LRRFIP2: variants seen among roughly 807,000 people sequenced by gnomAD.
The protein encoded by LRRFIP2 is LRR binding FLII interacting protein 2.
LRRFIP2 carries 109 observed loss-of-function variants against 125.9 expected under a neutral mutation model. That is an observed-to-expected ratio of 0.87 (90% CI 0.74 to 1.01). The LOEUF (loss-of-function observed/expected upper bound fraction) is 1.01, where lower values mean the gene tolerates loss of function less well. Ranked by LOEUF, LRRFIP2 falls within the 50% of genes least tolerant of loss-of-function variation. The pLI, the probability that LRRFIP2 is intolerant of heterozygous loss-of-function variation, is 0.00. For missense variants in LRRFIP2, 850 were observed against 862.3 expected (o/e 0.99, Z 0.18); for synonymous variants, 291 against 293.1 (o/e 0.99, Z 0.07).
intron 17 of LRRFIP2, among the ~76,000 whole-genome samples, chr3:37,092,757 T>C (rs2093518102): frequency 6.6e-6 from 1 of 152,230 alleles, no homozygotes; most frequent in African/African-American, 2.4e-5. Flanking sequence ...TCTCCTTCTC[T>C]GCCGCTGTTG....
intron 24 of LRRFIP2, among the ~76,000 whole-genome samples, chr3:37,062,676 A>G (rs1176375306): frequency 1.3e-5 from 2 of 152,228 alleles, no homozygotes; most frequent in African/African-American, 4.8e-5. Context: ...CAATGAAGAA[A>G]TGTCCTTTTA....
intron 1 of LRRFIP2, among the ~76,000 whole-genome samples, chr3:37,155,667 T>A (rs2096166613): frequency 6.6e-6 from 1 of 152,158 alleles, no homozygotes; most frequent in East Asian, 1.9e-4. Context: ...TTGCATATTG[T>A]TCTATGTAAA....
chr3:37,127,724 T>C (rs772381612), intron 3 of LRRFIP2, 44 bp from the exon 4 acceptor site: 5 of 1,485,116 alleles, frequency 3.4e-6, no homozygotes, highest in East Asian at 4.5e-5. Context: ...TTCTAACATA[T>C]TGCATTCTCC....
chr3:37,077,198 T>A (rs540246737), intron 19 of LRRFIP2, among the ~76,000 whole-genome samples: 2 of 152,196 alleles, frequency 1.3e-5, no homozygotes, highest in Non-Finnish European at 2.9e-5. Context: ...CATAGATACA[T>A]TGGCAAAAAT....
chr3:37,108,501 G>GT (rs1276846116), intron 12 of LRRFIP2, 136 bp downstream of exon 12: 8 of 667,680 alleles, frequency 1.2e-5, no homozygotes, highest in African/African-American at 1.8e-5. Flanking sequence ...AGCTTAGAGA[G>GT]TAATTCCAGG....
At chr3:37,070,306 G>A (rs538630033) in intron 21 of LRRFIP2, among the ~76,000 whole-genome samples, 90 of 151,722 alleles carry the variant, frequency 5.9e-4, no homozygotes, top group African/African-American at 2.1e-3. Context: ...TAGAGACAGC[G>A]TTTTACCATG....
intron 2 of LRRFIP2, chr3:37,134,988 T>A: frequency 6.6e-7 from 1 of 1,516,610 alleles, no homozygotes; most frequent in Admixed American, 1.7e-5. Flanking sequence ...TGTTCACTGC[T>A]ATGTGATCCA....
At chr3:37,116,952 T>C (rs773512594) in intron 6 of LRRFIP2, among the ~76,000 whole-genome samples, 17 of 152,068 alleles carry the variant, frequency 1.1e-4, no homozygotes, top group Non-Finnish European at 1.8e-4. Context: ...ATAAAAAATA[T>C]TATTATTGCA....
chr3:37,099,230 G>A (rs2093893148), intron 15 of LRRFIP2, among the ~76,000 whole-genome samples: 1 of 152,034 alleles, frequency 6.6e-6, no homozygotes, highest in Admixed American at 6.6e-5. Context: ...GTACTATCTT[G>A]TGTGCTATCT....
chr3:37,073,387 TAAAATTATATTATTTTG>T (rs900207177), intron 20 of LRRFIP2, among the ~76,000 whole-genome samples: 7 of 152,218 alleles, frequency 4.6e-5, no homozygotes, highest in African/African-American at 1.7e-4. Context: ...TGTATTATTT[TAAAATTATATTATTTTG>T]AAACATTTAA....
intron 7 of LRRFIP2, 75 bp downstream of exon 7, chr3:37,114,979 A>T: frequency 8.8e-7 from 1 of 1,139,486 alleles, no homozygotes. Context: ...AAAGTTAGTC[A>T]TATTCTATAA....
Position 37,053,945 on chromosome 3 carries a change from T to A in LRRFIP2, c.2072A>T (p.Asp691Val). 4 of 1,612,272 alleles carry A rather than the reference T, an allele frequency of 2.5e-6. No homozygotes were observed. Among genetic ancestry groups the A allele is most frequent in the Non-Finnish European group, 1.7e-6 (2 of 1,178,288 alleles). The change falls in exon 28 of 28, where the codon GAC (aspartate) becomes GTC (valine). Residue 691 changes from aspartate to valine, a missense_variant. Transcript: ENST00000336686. The stretch of plus-strand genomic sequence containing the variant: ...GGTCATCTCCATCTCCTCAATCTTG[T>A]CCAGTGCTGTTCGTAACTGGAGACA... ...KLQRELRTAL[D>V]KIEEMEMTNS...
intron 15 of LRRFIP2, among the ~76,000 whole-genome samples, chr3:37,097,745 T>C (rs2093798881): frequency 6.6e-6 from 1 of 152,164 alleles, no homozygotes; most frequent in Non-Finnish European, 1.5e-5. Flanking sequence ...ACCCTGAGTT[T>C]TATAGCTAAG....
chr3:37,088,032 A>G (rs562660536), intron 18 of LRRFIP2, among the ~76,000 whole-genome samples: 65 of 152,352 alleles, frequency 4.3e-4, no homozygotes, highest in African/African-American at 1.2e-3. Context: ...AAGTCTAGCA[A>G]TCTGTATTTA....
intron 2 of LRRFIP2, among the ~76,000 whole-genome samples, chr3:37,132,915 C>T (rs1029108793): frequency 4.6e-5 from 7 of 152,108 alleles, no homozygotes; most frequent in Non-Finnish European, 7.4e-5. Context: ...TAAAGGACAA[C>T]CAAGATTTAA....
At chr3:37,080,433 AATAAC>A (rs1248472359) in intron 19 of LRRFIP2, among the ~76,000 whole-genome samples, 1 of 151,860 alleles carries the variant, frequency 6.6e-6, no homozygotes, top group Non-Finnish European at 1.5e-5. Context: ...AAATAAATAA[AATAAC>A]ATAAAATAAA....
In LRRFIP2 at chr3:37,155,553, A is replaced by G. The variant is rs915721626; in HGVS notation, c.-55-6515T>C. ...TCAAAGTTTACTTCTAAAACTGCCA[A>G]GTTTTGGGAGTGCAGCCTTACAATG... On this transcript the variant is annotated intron_variant, in intron 1 of 27. Coordinates refer to ENST00000336686, the MANE Select transcript of LRRFIP2 (RefSeq NM_006309.4). 3.3e-5 allele frequency among the ~76,000 whole-genome samples: 5 copies of G among 152,228 alleles called. No homozygotes were observed. In the East Asian group the frequency reaches 7.7e-4, roughly 23 times the overall value.
chr3:37,055,085 C>A lies in LRRFIP2; in HGVS notation c.1950+1G>T. 6.3e-7 allele frequency: 1 copy of A among 1,580,638 alleles called. No homozygotes were observed. Among genetic ancestry groups the A allele is most frequent in the Non-Finnish European group, 8.6e-7 (1 of 1,161,204 alleles). ...ACTTAGTACCATATAGAAGTACTTA[C>A]ACTTTGCTCCAAGGTAGTTATATCC... On this transcript the variant is annotated splice_donor_variant, in intron 26 of 27. Coordinates refer to ENST00000336686, the MANE Select transcript of LRRFIP2 (RefSeq NM_006309.4). LOFTEE classifies it high-confidence loss of function.
chr3:37,127,847 G>A (rs561588110), intron 3 of LRRFIP2, among the ~76,000 whole-genome samples, 167 bp from the exon 4 acceptor site: 152 of 152,310 alleles, frequency 1.0e-3, no homozygotes, highest in African/African-American at 3.6e-3. Flanking sequence ...AATAGTAAGA[G>A]ATGCATGTTT....
Sources: allele counts gnomAD v4.1 joint callset (sites outside exome capture counted in the v4.1 genomes callset), GRCh38; gene constraint gnomAD v4.1.1; transcripts MANE v1.5; gene names NCBI Gene and HGNC (gene_info 2026-07-23, HGNC 2026-07-21).